The following TMEM196 variants were observed in gnomAD, a reference collection of about 807,000 sequenced individuals.
TMEM196 encodes the protein transmembrane protein 196.
TMEM196 carries 17 observed loss-of-function variants against 20.0 expected under a neutral mutation model. The ratio of observed to expected loss-of-function variants is 0.85; its 90% CI spans 0.58 to 1.27. The LOEUF is 1.27. Ranked by LOEUF, TMEM196 falls within the 50% of genes most tolerant of loss-of-function variation. The pLI, the probability that TMEM196 is intolerant of heterozygous loss-of-function variation, is 0.00. For synonymous variants in TMEM196, 113 were observed against 88.9 expected (o/e 1.27, Z -1.52); for missense variants, 267 against 223.0 (o/e 1.20, Z -1.26).
intron 1 of TMEM196, among the ~76,000 whole-genome samples, chr7:19,729,797 A>T (rs1343034074): frequency 6.6e-6 from 1 of 152,212 alleles, no homozygotes; most frequent in Non-Finnish European, 1.5e-5. Context: ...CTTAACAACT[A>T]GAAATCAGTA....
At chr7:19,743,520 G>A (rs1784648541) in intron 1 of TMEM196, among the ~76,000 whole-genome samples, 1 of 152,138 alleles carries the variant, frequency 6.6e-6, no homozygotes, top group South Asian at 2.1e-4. Flanking sequence ...AGGTATAAAA[G>A]TATGATTTTC....
Position 19,745,927 on chromosome 7 carries a change from C to T in TMEM196, c.148-16489G>A, listed in dbSNP as rs74820837. The stretch of plus-strand genomic sequence containing the variant: ...ATCCAGATTTTAAAAAATCAAATAA[C>T]TCAGAGGACCTATATTTTATTTATT... On this transcript the variant is annotated intron_variant, in intron 1 of 4. Transcript: ENST00000405844. Among the ~76,000 whole-genome samples the T allele has an allele frequency of 1.2e-4, 18 of 151,866 alleles. 1 individual carries two copies. In the East Asian group the frequency reaches 3.3e-3, roughly 28 times the overall value.
Position 19,724,299 on chromosome 7 carries a change from TC to T in TMEM196, c.513del (p.Thr172HisfsTer22). On this transcript the variant is annotated frameshift_variant, in exon 4 of 5. Coordinates refer to ENST00000405844, the MANE Select transcript of TMEM196 (RefSeq NM_001363562.2). LOFTEE classifies it high-confidence loss of function. ...TDLPSCPVVP[P>X]TPELPTRK ...GCGTACCTTGTAGGTAACTCTGGTG[TC>T]GGGGGCACCACCGGGCAGCTGGGCA... 6.5e-7 allele frequency: 1 copy of T among 1,550,344 alleles called. No homozygotes were observed. The highest frequency in any genetic ancestry group is 8.7e-7 in the Non-Finnish European group (1 of 1,146,844).
intron 1 of TMEM196, among the ~76,000 whole-genome samples, chr7:19,750,260 A>G (rs1784908890): frequency 6.6e-6 from 1 of 152,232 alleles, no homozygotes; most frequent in South Asian, 2.1e-4. Context: ...AAGTATGCAA[A>G]GTGATGGATA....
At chr7:19,722,540 A>T (rs1414887983) in intron 4 of TMEM196, among the ~76,000 whole-genome samples, 3 of 152,150 alleles carry the variant, frequency 2.0e-5, no homozygotes, top group Non-Finnish European at 4.4e-5. Flanking sequence ...TTTATTCTAC[A>T]GGAAAATGTG....
intron 1 of TMEM196, among the ~76,000 whole-genome samples, chr7:19,758,005 A>G (rs1785285745): frequency 6.6e-6 from 1 of 150,896 alleles, no homozygotes; most frequent in African/African-American, 2.4e-5. Context: ...CAAATGGTGT[A>G]GTAAATTTAT....
At chr7:19,736,354 TATA>T (rs1784402226) in intron 1 of TMEM196, among the ~76,000 whole-genome samples, 25 of 88,046 alleles carry the variant, frequency 2.8e-4, no homozygotes, top group African/African-American at 5.0e-4. Flanking sequence ...TGGTTCCTAC[TATA>T]TATATATATA....
chr7:19,739,957 TTG>T (rs59571643), intron 1 of TMEM196, among the ~76,000 whole-genome samples: 9,027 of 151,494 alleles, frequency 0.06, 725 homozygotes, highest in African/African-American at 0.18. Flanking sequence ...CAGGTGTGTT[TTG>T]TGTGTGTGTG....
At chr7:19,761,986 GT>G (rs1308536898) in intron 1 of TMEM196, among the ~76,000 whole-genome samples, 1 of 152,026 alleles carries the variant, frequency 6.6e-6, no homozygotes, top group East Asian at 1.9e-4. Flanking sequence ...TTCCAATTCT[GT>G]TTTGTGATCG....
chr7:19,721,944 TA>T lies in TMEM196; in HGVS notation c.*183del. ...GAAACCAGTGAGGCAATATATTTTT[TA>T]GGAAGAATAATTTTAGTGGATGCTC... is the stretch of plus-strand genomic sequence containing the variant. On this transcript the variant is annotated 3_prime_UTR_variant, in exon 5 of 5. Transcript: ENST00000405844. 1 of 776,990 alleles carries T rather than the reference TA, an allele frequency of 1.3e-6. No homozygotes were observed. Among genetic ancestry groups the T allele is most frequent in the Admixed American group, 3.5e-5 (1 of 28,226 alleles). The allele number at this position is 776,990 out of a possible 1,614,324, so 48.1% of individuals were successfully genotyped here.
intron 1 of TMEM196, among the ~76,000 whole-genome samples, chr7:19,764,977 A>G (rs1023797618): frequency 2.0e-5 from 3 of 152,210 alleles, no homozygotes; most frequent in African/African-American, 7.2e-5. Context: ...GAAAAAGTAT[A>G]GACTTTGAAA....
At chr7:19,761,918 C>T (rs927500388) in intron 1 of TMEM196, among the ~76,000 whole-genome samples, 4 of 152,168 alleles carry the variant, frequency 2.6e-5, no homozygotes, top group African/African-American at 9.7e-5. Flanking sequence ...CACATCTCCC[C>T]CTCAGTGTTC....
In TMEM196 at chr7:19,724,373, C is replaced by A. The variant is rs1783917812; in HGVS notation, c.460-20G>T. On this transcript the variant is annotated intron_variant, in intron 3 of 4. Coordinates refer to ENST00000405844, the MANE Select transcript of TMEM196 (RefSeq NM_001363562.2). ...CAATCTCTAATGTAAATATAACAAT[C>A]ATACAATAAATATTGCACAAATATA... 2 of 1,547,688 alleles carry A rather than the reference C, an allele frequency of 1.3e-6. No individual in the cohort carries two copies. Among genetic ancestry groups the A allele is most frequent in the Non-Finnish European group, 1.7e-6 (2 of 1,144,680 alleles).
At chr7:19,753,011 G>A (rs1785053414) in intron 1 of TMEM196, among the ~76,000 whole-genome samples, 1 of 152,126 alleles carries the variant, frequency 6.6e-6, no homozygotes, top group African/African-American at 2.4e-5. Context: ...CTGGTCTACT[G>A]TGGATCTTCT....
chr7:19,759,003 T>C (rs1434766093), intron 1 of TMEM196, among the ~76,000 whole-genome samples: 1 of 152,184 alleles, frequency 6.6e-6, no homozygotes, highest in Non-Finnish European at 1.5e-5. Flanking sequence ...TTTACATATT[T>C]ATTTTTTTCC....
chr7:19,761,060 G>A (rs1007368883), intron 1 of TMEM196, among the ~76,000 whole-genome samples: 1 of 152,236 alleles, frequency 6.6e-6, no homozygotes, highest in South Asian at 2.1e-4. Context: ...ATCTTCATAA[G>A]CCTAATCCCT....
chr7:19,725,676 G>A lies in TMEM196; in HGVS notation c.297C>T (p.Ser99=). Residue 99 remains serine, a synonymous_variant, in exon 3 of 5, where the codon TCC becomes TCT. Transcript: ENST00000405844. The stretch of plus-strand genomic sequence containing the variant: ...TGGAGGCAAGGTGCAGTGGGTATAG[G>A]GAGGAAGTTTTCTTTGTGACTGCCC... ...FLRAVTKKTS[S]LYPLHLASMS... is the part of the protein sequence containing the mutation. The A allele has an allele frequency of 1.9e-6, 3 of 1,614,014 alleles. No homozygotes were observed. In the South Asian group the frequency reaches 3.3e-5, roughly 18 times the overall value.
chr7:19,764,464 C>T (rs1261013778), intron 1 of TMEM196, among the ~76,000 whole-genome samples: 1 of 152,134 alleles, frequency 6.6e-6, no homozygotes, highest in African/African-American at 2.4e-5. Context: ...TCCTCAGTGA[C>T]CCACAAAGAC....
chr7:19,727,907 A>G (rs1784056595), intron 2 of TMEM196, among the ~76,000 whole-genome samples: 1 of 152,298 alleles, frequency 6.6e-6, no homozygotes, highest in African/African-American at 2.4e-5. Flanking sequence ...GACTGCAGAT[A>G]TATTTGGAGT....
Sources: gnomAD v4.1 joint callset for allele counts (sites outside exome capture counted in the v4.1 genomes callset) on GRCh38, gnomAD v4.1.1 for gene constraint, MANE v1.5 for transcripts, NCBI Gene and HGNC (gene_info 2026-07-23, HGNC 2026-07-21) for gene names.